ADCY5: variants seen among roughly 807,000 people sequenced by gnomAD.
ADCY5 encodes adenylate cyclase type 5.
ADCY5 carries 30 observed loss-of-function variants against 119.7 expected under a neutral mutation model. That is an observed-to-expected ratio of 0.25 (90% CI 0.19 to 0.34). ADCY5 has a LOEUF of 0.34. Ranked by LOEUF, ADCY5 falls within the 10% of genes least tolerant of loss-of-function variation. ADCY5 has a pLI of 1.00. For missense variants in ADCY5, 1,324 were observed against 1,775.2 expected, an observed-to-expected ratio of 0.75 and a Z score of 4.57; for synonymous variants, 753 against 762.2, an observed-to-expected ratio of 0.99 and a Z score of 0.20.
At chr3:123,426,578 A>G (rs11712805) in intron 1 of ADCY5, among the ~76,000 whole-genome samples, 149,431 of 152,236 alleles carry the variant, frequency 0.98, 73,403 homozygotes, top group Middle Eastern at 1. Flanking sequence ...TGATCTGCCC[A>G]TCTCAGCCTC....
chr3:123,413,146 G>A (rs114580611), intron 1 of ADCY5, among the ~76,000 whole-genome samples: 2,642 of 152,290 alleles, frequency 0.017, 70 homozygotes, highest in African/African-American at 0.059. Context: ...CTGCCAGTTC[G>A]TGGGAGAGGA....
rs1338982718 is a variant in ADCY5, at chr3:123,448,239, A to T, written c.307T>A (p.Trp103Arg). ...CAGTCGTCGCCGCCGCGCTCCTGCCAGGCGGACTTGGAGCGGAAGCTGAAG... is the reference window on the plus strand; with the variant it reads ...CAGTCGTCGCCGCCGCGCTCCTGCCTGGCGGACTTGGAGCGGAAGCTGAAG... ...FGFSFRSKSA[W>R]QERGGDDCGR... Residue 103 changes from tryptophan (W) to arginine (R), a missense_variant, in exon 1 of 21, where the codon TGG becomes AGG. Transcript: ENST00000462833. 1 of 1,441,742 alleles carries T rather than the reference A, an allele frequency of 6.9e-7. No individual in the cohort carries two copies. Among genetic ancestry groups the T allele is most frequent in the Non-Finnish European group, 9.1e-7 (1 of 1,099,660 alleles). 89.3% of individuals were successfully genotyped at this position (1,441,742 alleles called of 1,614,324 possible).
chr3:123,414,895 G>C (rs757751023), intron 1 of ADCY5, among the ~76,000 whole-genome samples: 1 of 152,144 alleles, frequency 6.6e-6, no homozygotes, highest in Non-Finnish European at 1.5e-5. Context: ...CTGGAGGATC[G>C]ACAGATGAGG....
intron 1 of ADCY5, among the ~76,000 whole-genome samples, chr3:123,411,008 A>G (rs1945030355): frequency 6.6e-6 from 1 of 152,228 alleles, no homozygotes; most frequent in South Asian, 2.1e-4. Context: ...CCTTAGCACT[A>G]GCCATTCCAG....
intron 1 of ADCY5, among the ~76,000 whole-genome samples, chr3:123,396,917 C>CG (rs1944614613): frequency 6.6e-6 from 1 of 152,034 alleles, no homozygotes; most frequent in African/African-American, 2.4e-5. Context: ...TGCACGCCTG[C>CG]GGGCACTTCA....
intron 11 of ADCY5, 77 bp from the exon 12 acceptor site, chr3:123,314,399 A>G: frequency 8.6e-7 from 1 of 1,159,164 alleles, no homozygotes; most frequent in Non-Finnish European, 1.3e-6. Context: ...CTGCCTGGCA[A>G]GCAGGCCACA....
intron 7 of ADCY5, among the ~76,000 whole-genome samples, 184 bp downstream of exon 7, chr3:123,327,434 A>C (rs932712335): frequency 4.6e-4 from 70 of 152,282 alleles, no homozygotes; most frequent in African/African-American, 1.6e-3. Context: ...CTATTAAAAG[A>C]TTCCCTCTTT....
At chr3:123,358,151 A>T (rs1307274557) in intron 1 of ADCY5, among the ~76,000 whole-genome samples, 3 of 101,050 alleles carry the variant, frequency 3.0e-5, no homozygotes, top group African/African-American at 1.1e-4. Flanking sequence ...AACCACATGG[A>T]ACACGTGTGT....
intron 16 of ADCY5, among the ~76,000 whole-genome samples, 177 bp from the exon 17 acceptor site, chr3:123,296,393 G>A (rs1939514509): frequency 6.6e-6 from 1 of 151,954 alleles, no homozygotes; most frequent in Non-Finnish European, 1.5e-5. Context: ...AGCCTTCCTG[G>A]CTGGCAGCCC....
At chr3:123,331,923 G>C (rs1329186161) in intron 4 of ADCY5, among the ~76,000 whole-genome samples, 1 of 152,170 alleles carries the variant, frequency 6.6e-6, no homozygotes, top group Non-Finnish European at 1.5e-5. Flanking sequence ...CGTCCTGTGT[G>C]GGCCAAGGGG....
intron 12 of ADCY5, 77 bp downstream of exon 12, chr3:123,314,158 G>C: frequency 2.5e-6 from 3 of 1,205,134 alleles, no homozygotes; most frequent in Non-Finnish European, 3.6e-6. Flanking sequence ...TTCACATTTT[G>C]GGCCCCTGGG....
intron 1 of ADCY5, among the ~76,000 whole-genome samples, chr3:123,420,542 A>T (rs1039888739): frequency 6.6e-6 from 1 of 152,178 alleles, no homozygotes; most frequent in Non-Finnish European, 1.5e-5. Flanking sequence ...AGATGGCCGC[A>T]TCTCCATTCT....
chr3:123,338,607 A>G (rs1022383481), intron 3 of ADCY5, among the ~76,000 whole-genome samples: 1 of 152,254 alleles, frequency 6.6e-6, no homozygotes, highest in Admixed American at 6.5e-5. Flanking sequence ...TCTTGGGAAC[A>G]GGATCAGGCC....
chr3:123,332,598 T>C lies in ADCY5; in HGVS notation c.1484A>G (p.Asn495Ser). 3 of 1,613,808 alleles carry C rather than the reference T, an allele frequency of 1.9e-6. No individual in the cohort carries two copies. The highest frequency in any genetic ancestry group is 1.7e-6 in the Non-Finnish European group (2 of 1,179,882). The part of the protein sequence containing the change: ...CTAQELVMTL[N>S]ELFARFDKLA... Reference sequence around the variant, plus strand: ...CTTGTCAAAGCGGGCGAAGAGCTCGTTGAGGGTCATGACCAGTTCCTGTGC... The same window carrying C: ...CTTGTCAAAGCGGGCGAAGAGCTCGCTGAGGGTCATGACCAGTTCCTGTGC... The change falls in exon 4 of 21, where the codon AAC (asparagine) becomes AGC (serine). Residue 495 changes from asparagine (N) to serine (S), a missense_variant. By Grantham distance (46) the Asn-to-Ser change is conservative. Coordinates refer to ENST00000462833, the MANE Select transcript of ADCY5 (RefSeq NM_183357.3).
Position 123,443,813 on chromosome 3 carries a change from A to T in ADCY5, c.1134+3599T>A, listed in dbSNP as rs182081964. Among the ~76,000 whole-genome samples the T allele has an allele frequency of 4.3e-3, 652 of 152,306 alleles. 8 individuals are homozygous for T. The highest frequency in any genetic ancestry group is 7.3e-3 in the Non-Finnish European group (495 of 68,018). Reference sequence around the variant, plus strand: ...GAATCTTCTCCTCAGAAACCATGTCAGGCAGATTGAATGTGGATGCATAAT... The same window carrying T: ...GAATCTTCTCCTCAGAAACCATGTCTGGCAGATTGAATGTGGATGCATAAT... On this transcript the variant is annotated intron_variant, in intron 1 of 20. Transcript: ENST00000462833.
intron 1 of ADCY5, among the ~76,000 whole-genome samples, chr3:123,368,407 C>G (rs1943525026): frequency 6.6e-6 from 1 of 152,158 alleles, no homozygotes; most frequent in African/African-American, 2.4e-5. Flanking sequence ...ACCAGCCTGG[C>G]CAACATGGCG....
At chr3:123,410,323 C>T (rs35606005) in intron 1 of ADCY5, among the ~76,000 whole-genome samples, 30,199 of 151,824 alleles carry the variant, frequency 0.2, 3,382 homozygotes, top group Admixed American at 0.27. Context: ...CCCCCTCCTC[C>T]TCCTCCCCCA....
intron 1 of ADCY5, among the ~76,000 whole-genome samples, chr3:123,415,120 T>C (rs1945155205): frequency 6.6e-6 from 1 of 152,172 alleles, no homozygotes. Context: ...CAGCCCCCAC[T>C]GGCCCTCGGG....
At chr3:123,445,195 C>T (rs992229479) in intron 1 of ADCY5, among the ~76,000 whole-genome samples, 2 of 152,136 alleles carry the variant, frequency 1.3e-5, no homozygotes, top group Admixed American at 6.6e-5. Context: ...AGTCTAAAGA[C>T]CACAGTGGGT....
Sources: gnomAD v4.1 joint callset for allele counts (sites outside exome capture counted in the v4.1 genomes callset) on GRCh38, gnomAD v4.1.1 for gene constraint, MANE v1.5 for transcripts, NCBI Gene and HGNC (gene_info 2026-07-23, HGNC 2026-07-21) for gene names.